The following NT5DC3 variants were observed in gnomAD, a reference collection of about 807,000 sequenced individuals.
NT5DC3 encodes 5'-nucleotidase domain-containing protein 3.
NT5DC3 carries 42 observed loss-of-function variants against 67.8 expected under a neutral mutation model. The observed-to-expected ratio is 0.62, with a 90% CI of 0.48 to 0.80. The LOEUF is 0.80. Ranked by LOEUF, NT5DC3 falls within the 30% of genes least tolerant of loss-of-function variation. The pLI, the probability that NT5DC3 is intolerant of heterozygous loss-of-function variation, is 0.00. For missense variants in NT5DC3, 570 were observed against 696.4 expected, an observed-to-expected ratio of 0.82 and a Z score of 2.04; for synonymous variants, 237 against 255.6, an observed-to-expected ratio of 0.93 and a Z score of 0.69.
chr12:103,750,648 C>T, the NT5DC3 span: 7,433 of 1,614,242 alleles, frequency 4.6e-3, 66 homozygotes, highest in Admixed American at 0.035. Flanking sequence ...GGAGCAGCTG[C>T]CCATTGACCG....
rs189088757 is a variant in NT5DC3, at chr12:103,830,093, G to A, written c.208+10856C>T. On this transcript the variant is annotated intron_variant, in intron 1 of 13. Transcript: ENST00000392876. Reference sequence around the variant, plus strand: ...TTGACATTTACAAGGAACTTACTACGCAATAGGCGCTATTTTAAAAACTCT... The same window carrying A: ...TTGACATTTACAAGGAACTTACTACACAATAGGCGCTATTTTAAAAACTCT... Among the ~76,000 whole-genome samples the A allele has an allele frequency of 7.2e-5, 11 of 152,192 alleles. No homozygotes were observed. The East Asian group carries it at 1.7e-3, about 24-fold the overall frequency.
intron 2 of NT5DC3, among the ~76,000 whole-genome samples, chr12:103,812,109 C>T (rs1593419708): frequency 6.6e-6 from 1 of 152,116 alleles, no homozygotes; most frequent in East Asian, 1.9e-4. Context: ...AAAAAATTTC[C>T]ATTTTTGTAA....
chr12:103,824,470 T>C (rs1250154924), intron 1 of NT5DC3, among the ~76,000 whole-genome samples: 1 of 152,196 alleles, frequency 6.6e-6, no homozygotes, highest in Non-Finnish European at 1.5e-5. Context: ...CAGTTTCTTC[T>C]GGGACCTGCC....
intron 6 of NT5DC3, among the ~76,000 whole-genome samples, chr12:103,794,365 G>A (rs558975606): frequency 6.8e-6 from 1 of 146,438 alleles, no homozygotes; most frequent in Non-Finnish European, 1.5e-5. Flanking sequence ...GGCCAGGCTG[G>A]TCTCCAACTC....
At position 103,796,992 on chromosome 12, in the gene NT5DC3, A is replaced by T. The variant is rs2139355987; in HGVS notation, c.655T>A (p.Phe219Ile). Residue 219 changes from phenylalanine (F) to isoleucine (I), a missense_variant, in exon 6 of 14, where the codon TTC becomes ATC. Phe to Ile is a conservative substitution (Grantham distance 21). Transcript: ENST00000392876. The stretch of plus-strand genomic sequence containing the variant: ...AGGAGGGTCATCTCGGGCAGGGAGA[A>T]GATGTCCATGAACTGCTTCATCGTG... ...GNTMKQFMDI[F>I]SLPEMTLLSC... is the part of the protein sequence containing the mutation. 6.2e-7 allele frequency: 1 copy of T among 1,614,190 alleles called. No individual in the cohort carries two copies. The highest frequency in any genetic ancestry group is 1.7e-4 in the Middle Eastern group (1 of 6,060).
At chr12:103,757,816 G>A in the NT5DC3 span, 1 of 253,830 alleles carries the variant, frequency 3.9e-6, no homozygotes, top group Non-Finnish European at 7.9e-6. Flanking sequence ...CACATGCTTT[G>A]GGCCTCGTGA....
chr12:103,809,653 G>A (rs762796524), intron 2 of NT5DC3, among the ~76,000 whole-genome samples: 3 of 152,118 alleles, frequency 2.0e-5, no homozygotes, highest in Non-Finnish European at 4.4e-5. Context: ...GATTTCTTGG[G>A]ACTTATTCAC....
intron 4 of NT5DC3, among the ~76,000 whole-genome samples, chr12:103,799,533 T>C (rs1423819146): frequency 6.6e-6 from 1 of 152,210 alleles, no homozygotes; most frequent in Non-Finnish European, 1.5e-5. Flanking sequence ...TCCCCCGCTA[T>C]GTGGAACTAT....
intron 10 of NT5DC3, among the ~76,000 whole-genome samples, chr12:103,787,886 T>C (rs960026501): frequency 7.9e-6 from 1 of 126,030 alleles, no homozygotes; most frequent in Non-Finnish European, 1.7e-5. Context: ...AACTTCATGA[T>C]AAACATTCTC....
chr12:103,755,617 A>G, the NT5DC3 span: 1 of 1,614,078 alleles, frequency 6.2e-7, no homozygotes, highest in Non-Finnish European at 8.5e-7. Context: ...TCCAGATGTG[A>G]ACTGCACCTG....
intron 4 of NT5DC3, among the ~76,000 whole-genome samples, chr12:103,804,550 A>T (rs968941231): frequency 6.6e-6 from 1 of 151,324 alleles, no homozygotes; most frequent in African/African-American, 2.4e-5. Context: ...GGGAGAGTCA[A>T]TTTTTTTTTT....
At chr12:103,829,036 G>A (rs1314474493) in intron 1 of NT5DC3, among the ~76,000 whole-genome samples, 1 of 152,124 alleles carries the variant, frequency 6.6e-6, no homozygotes, top group Non-Finnish European at 1.5e-5. Context: ...ACATACATGT[G>A]TGTCCCTACA....
chr12:103,825,299 T>C (rs1473387323), intron 1 of NT5DC3, among the ~76,000 whole-genome samples: 1 of 152,226 alleles, frequency 6.6e-6, no homozygotes, highest in Non-Finnish European at 1.5e-5. Flanking sequence ...AAGTAATATC[T>C]GTATTTTGAC....
chr12:103,811,999 G>A (rs138048194), intron 2 of NT5DC3, among the ~76,000 whole-genome samples: 24 of 152,178 alleles, frequency 1.6e-4, no homozygotes, highest in African/African-American at 4.6e-4. Context: ...TGACTAAGGT[G>A]TGAAGCTGGG....
In NT5DC3 at chr12:103,785,440, T is replaced by G. The variant is rs761058202; in HGVS notation, c.1224A>C (p.Ala408=). The G allele has an allele frequency of 2.5e-6, 4 of 1,614,028 alleles. No homozygotes were observed. Among genetic ancestry groups the G allele is most frequent in the African/African-American group, 2.7e-5 (2 of 74,922 alleles). ...LTLKHGWRTG[A]IIPELRSELK... Reference sequence around the variant, plus strand: ...GCTCAGATCTCAACTCTGGGATGATTGCACCAGTCCTCCAGCCATGCTTTA... The same window carrying G: ...GCTCAGATCTCAACTCTGGGATGATGGCACCAGTCCTCCAGCCATGCTTTA... The change falls in exon 12 of 14, where the codon GCA becomes GCC. Residue 408 remains alanine, a synonymous_variant. Transcript: ENST00000392876.
chr12:103,792,101 G>C (rs11111780), intron 9 of NT5DC3, among the ~76,000 whole-genome samples: 26,521 of 152,146 alleles, frequency 0.17, 2,709 homozygotes, highest in Middle Eastern at 0.3. Flanking sequence ...ATCATGGGAC[G>C]GTTTGCGGCT....
At chr12:103,840,451 A>G (rs1449745100) in intron 1 of NT5DC3, among the ~76,000 whole-genome samples, 3 of 125,634 alleles carry the variant, frequency 2.4e-5, no homozygotes, top group African/African-American at 9.4e-5. Context: ...ATCCCATCCC[A>G]TCCCATCCCA....
chr12:103,806,469 C>A, intron 3 of NT5DC3, 92 bp from the exon 4 acceptor site: 1 of 880,810 alleles, frequency 1.1e-6, no homozygotes, highest in Non-Finnish European at 1.9e-6. Flanking sequence ...ATCCTATCAA[C>A]ATTAGGCTGC....
chr12:103,762,956 T>C, the NT5DC3 span, among the ~76,000 whole-genome samples: 1 of 152,222 alleles, frequency 6.6e-6, no homozygotes, highest in African/African-American at 2.4e-5. Context: ...TCTTTCCTTA[T>C]GGACTTTGTC....
Sources: allele counts gnomAD v4.1 joint callset (sites outside exome capture counted in the v4.1 genomes callset), GRCh38; gene constraint gnomAD v4.1.1; transcripts MANE v1.5; gene names NCBI Gene and HGNC (gene_info 2026-07-23, HGNC 2026-07-21).